The following CKMT2 variants were observed in gnomAD, a reference collection of about 807,000 sequenced individuals.
CKMT2 encodes the protein creatine kinase S-type, mitochondrial.
Under a neutral mutation model 48.9 loss-of-function variants are expected in CKMT2, and 43 were observed. The ratio of observed to expected loss-of-function variants is 0.88; its 90% CI spans 0.69 to 1.13. The LOEUF is 1.13. CKMT2 is among the 50% of genes most tolerant of loss of function. The pLI, the probability that CKMT2 is intolerant of heterozygous loss-of-function variation, is 0.00. For missense variants in CKMT2, 472 were observed against 555.4 expected, an observed-to-expected ratio of 0.85 and a Z score of 1.51; for synonymous variants, 206 against 213.0, an observed-to-expected ratio of 0.97 and a Z score of 0.29.
intron 1 of CKMT2, chr5:81,250,728 T>C (rs1756775270): frequency 1.3e-5 from 2 of 152,848 alleles, no homozygotes; most frequent in African/African-American, 4.8e-5. Context: ...AAATCCATCC[T>C]GTTCAGGGTC....
intron 8 of CKMT2, among the ~76,000 whole-genome samples, chr5:81,261,380 AG>A (rs1315286070): frequency 2.6e-5 from 4 of 152,196 alleles, no homozygotes; most frequent in African/African-American, 9.7e-5. Context: ...AAAGAAAGAA[AG>A]GGTATTCACG....
intron 1 of CKMT2, among the ~76,000 whole-genome samples, chr5:81,249,689 T>C (rs1009397321): frequency 1.4e-5 from 2 of 147,028 alleles, no homozygotes; most frequent in African/African-American, 5.5e-5. Context: ...ATTTCCTTTC[T>C]TTCTGAAGCA....
At position 81,255,066 on chromosome 5, in the gene CKMT2, T is replaced by C; in HGVS notation, c.521T>C (p.Leu174Pro). Residue 174 changes from leucine (L) to proline (P), a missense_variant, in exon 5 of 10, where the codon CTG becomes CCG. Transcript: ENST00000254035. ...CGCACTGGCCGCAGCATCCGTGGGC[T>C]GAGCCTGCCTCCAGCCTGCACCCGG... ...RVRTGRSIRGLSLPPACTRAE... is the reference protein window; with the variant it reads ...RVRTGRSIRGPSLPPACTRAE... 6 of 1,613,994 alleles carry C rather than the reference T, an allele frequency of 3.7e-6. No individual in the cohort carries two copies. The highest frequency in any genetic ancestry group is 5.1e-6 in the Non-Finnish European group (6 of 1,180,002).
rs139195835 is a variant in CKMT2, at chr5:81,254,629, C to T, written c.447+138C>T. 1.7e-3 allele frequency: 1,159 copies of T among 696,376 alleles called. 13 individuals carry two copies. In the African/African-American group the frequency reaches 0.018, roughly 11 times the overall value. The allele number at this position is 696,376 out of a possible 1,614,324, so 43.1% of individuals were successfully genotyped here. On this transcript the variant is annotated intron_variant, in intron 4 of 9. Coordinates refer to ENST00000254035, the MANE Select transcript of CKMT2 (RefSeq NM_001099735.2). ...TGTGACTGCCCTGGCACAGCCTTCC[C>T]TCTGGAGGGCCACAGAGAAGGTTAG...
At chr5:81,265,355 A>ACT (rs1757352190) in intron 9 of CKMT2, among the ~76,000 whole-genome samples, 1 of 152,208 alleles carries the variant, frequency 6.6e-6, no homozygotes, top group South Asian at 2.1e-4. Context: ...ATAGGGAGGC[A>ACT]GCTGGAGTAT....
At chr5:81,250,933 A>G (rs1314672045) in intron 1 of CKMT2, 180 bp from the exon 2 acceptor site, 2 of 415,868 alleles carry the variant, frequency 4.8e-6, no homozygotes, top group Admixed American at 4.1e-5. Flanking sequence ...CAAAGCAAGA[A>G]ATAGAAAACA....
intron 1 of CKMT2, chr5:81,235,696 A>C (rs979807468): frequency 6.6e-6 from 1 of 152,158 alleles, no homozygotes; most frequent in Non-Finnish European, 1.5e-5. Context: ...CTGAACTCCC[A>C]GTATACCTGC....
chr5:81,261,659 AAGG>A (rs1435269552), intron 8 of CKMT2, among the ~76,000 whole-genome samples: 1 of 152,204 alleles, frequency 6.6e-6, no homozygotes, highest in Non-Finnish European at 1.5e-5. Context: ...GGACCTCTTC[AAGG>A]AGAACTACAA....
chr5:81,238,320 C>G (rs7728465), intron 1 of CKMT2: 1 of 151,600 alleles, frequency 6.6e-6, no homozygotes, highest in African/African-American at 2.4e-5. Flanking sequence ...GGCGACAGAG[C>G]GAGACTGTCT....
chr5:81,262,343 G>A (rs1441717091), intron 8 of CKMT2, among the ~76,000 whole-genome samples: 2 of 152,044 alleles, frequency 1.3e-5, no homozygotes, highest in African/African-American at 2.4e-5. Context: ...TTGACAAATG[G>A]GATCTAATTA....
rs779686334 is a variant in CKMT2, at chr5:81,254,514, T to C, written c.447+23T>C. 2.4e-5 allele frequency: 39 copies of C among 1,603,926 alleles called. 1 individual carries two copies. The highest frequency in any genetic ancestry group is 9.9e-5 in the South Asian group (9 of 90,892). ...AAGGTAGGCTCCAGCCTCCCTCTCC[T>C]TCCCCACGAAGCTGGCACTCCTGAG... On this transcript the variant is annotated intron_variant, in intron 4 of 9. Transcript: ENST00000254035.
Position 81,256,997 on chromosome 5 carries a change from T to C in CKMT2, c.752T>C (p.Ile251Thr). Reference sequence around the variant, plus strand: ...CGTGACTGGCCAGATGCCAGGGGAATCTGGTATGGATGCAGCATTTTCACA... The same window carrying C: ...CGTGACTGGCCAGATGCCAGGGGAACCTGGTATGGATGCAGCATTTTCACA... ...MARDWPDARGIWHNYDKTFLI... is the reference protein window; with the variant it reads ...MARDWPDARGTWHNYDKTFLI... Residue 251 changes from isoleucine to threonine, a missense_variant, in exon 6 of 10, where the codon ATC becomes ACC. Physicochemically the swap from Ile to Thr is moderately conservative, Grantham distance 89. Transcript: ENST00000254035. 6.2e-7 allele frequency: 1 copy of C among 1,612,808 alleles called. No individual in the cohort carries two copies. The highest frequency in any genetic ancestry group is 2.2e-5 in the East Asian group (1 of 44,868).
intron 1 of CKMT2, chr5:81,237,501 G>A (rs1756282531): frequency 7.2e-6 from 1 of 139,698 alleles, no homozygotes; most frequent in South Asian, 2.3e-4. Flanking sequence ...CCCCACTCTT[G>A]GAGAGACTCA....
intron 1 of CKMT2, 135 bp from the exon 2 acceptor site, chr5:81,250,978 C>CACACACACACACACACACACACACAG: frequency 1.5e-6 from 1 of 645,822 alleles, no homozygotes; most frequent in Admixed American, 2.5e-5. Context: ...CACACACACA[C>CACACACACACACACACACACACACAG]AGAAAGAGAG....
chr5:81,254,440 C>T lies in CKMT2; in HGVS notation c.396C>T (p.Asn132=), dbSNP rs753858798. The change falls in exon 4 of 10, where the codon AAC becomes AAT. Residue 132 remains asparagine (N), a synonymous_variant. Transcript: ENST00000254035. ...ACCCCGTCATCAAACTAAGACACAA[C>T]GGCTATGACCCCAGGGTGATGAAGC... ...LFDPVIKLRH[N]GYDPRVMKHT... is the part of the protein sequence containing the mutation. 1.5e-5 allele frequency: 25 copies of T among 1,614,030 alleles called. No individual in the cohort carries two copies. The highest frequency in any genetic ancestry group is 1.6e-4 in the Middle Eastern group (1 of 6,084).
chr5:81,256,210 A>G (rs1757004148), intron 5 of CKMT2, among the ~76,000 whole-genome samples: 2 of 152,046 alleles, frequency 1.3e-5, no homozygotes, highest in African/African-American at 4.8e-5. Flanking sequence ...TGATATGTGG[A>G]GTAGTATATT....
In CKMT2 at chr5:81,251,217, G is replaced by C. The variant is rs766946235; in HGVS notation, c.85G>C (p.Gly29Arg). 2.5e-6 allele frequency: 4 copies of C among 1,614,040 alleles called. No homozygotes were observed. The African/African-American group carries it at 4.0e-5, about 16-fold the overall frequency. ...CATGGGCACCAGTGTCCTGACCACC[G>C]GGTACCTGCTGAACCGGCAGAAAGT... The part of the protein sequence containing the change: ...ATMGTSVLTT[G>R]YLLNRQKVCA... Residue 29 changes from glycine (G) to arginine (R), a missense_variant, in exon 2 of 10, where the codon GGG becomes CGG. Gly to Arg is a moderately radical substitution (Grantham distance 125). Coordinates refer to ENST00000254035, the MANE Select transcript of CKMT2 (RefSeq NM_001099735.2).
In CKMT2 at chr5:81,255,173, C is replaced by G; in HGVS notation, c.628C>G (p.Leu210Val). The change falls in exon 5 of 10, where the codon CTG becomes GTG. Residue 210 changes from leucine to valine, a missense_variant. By Grantham distance (32) the Leu-to-Val change is conservative. Transcript: ENST00000254035. ...GGACCTGGCTGGCCGCTACTACAAG[C>G]TGTCCGAGATGACGGAGCAGGACCA... ...KGDLAGRYYK[L>V]SEMTEQDQQR... 6.2e-7 allele frequency: 1 copy of G among 1,614,150 alleles called. No homozygotes were observed. The highest frequency in any genetic ancestry group is 8.5e-7 in the Non-Finnish European group (1 of 1,180,052).
At chr5:81,255,868 C>T (rs113138921) in intron 5 of CKMT2, among the ~76,000 whole-genome samples, 2 of 151,268 alleles carry the variant, frequency 1.3e-5, no homozygotes, top group African/African-American at 4.9e-5. Context: ...TCAAAAGATG[C>T]AAATGCTAAG....
Sources: gnomAD v4.1 joint callset for allele counts (sites outside exome capture counted in the v4.1 genomes callset) on GRCh38, gnomAD v4.1.1 for gene constraint, MANE v1.5 for transcripts, NCBI Gene and HGNC (gene_info 2026-07-23, HGNC 2026-07-21) for gene names.